Variants in YWHAG observed in about 807,000 individuals in gnomAD.
YWHAG encodes 14-3-3 protein gamma.
A neutral mutation model predicts 23.3 loss-of-function variants in YWHAG; 1 was observed. The observed-to-expected ratio is 0.04, with a 90% CI of 0.02 to 0.20. The LOEUF (loss-of-function observed/expected upper bound fraction) is 0.20. Among genes scored for constraint, YWHAG ranks in the 10% least tolerant of loss-of-function variants. The pLI is 1.00. For missense variants in YWHAG, 151 were observed against 338.6 expected (o/e 0.45, Z 4.35); for synonymous variants, 160 against 144.0 (o/e 1.11, Z -0.80).
At chr7:76,348,474 T>C (rs996907691) in intron 1 of YWHAG, among the ~76,000 whole-genome samples, 6 of 148,028 alleles carry the variant, frequency 4.1e-5, no homozygotes, top group African/African-American at 5.0e-5. Context: ...CAGGCTGGAG[T>C]GCAGTGCAAG....
Position 76,329,489 on chromosome 7 carries a change from T to TACCACCCCCCCC in YWHAG, c.*87_*88insGGGGGGGGTGGT. Reference sequence around the variant, plus strand: ...TCCCTGGGAAGGTCATCCCTCCCTTTCCCTCCCCCACCCGACCCCCAACTC... The same window carrying TACCACCCCCCCC: ...TCCCTGGGAAGGTCATCCCTCCCTTTACCACCCCCCCCCCCTCCCCCACCCGACCCCCAACTC... On this transcript the variant is annotated 3_prime_UTR_variant, in exon 2 of 2. Transcript: ENST00000307630. The surrounding 1 kb of genome is among the most constrained non-coding windows in gnomAD (Gnocchi z 6.1). 9.8e-7 allele frequency: 1 copy of TACCACCCCCCCC among 1,024,228 alleles called. No homozygotes were observed. The highest frequency in any genetic ancestry group is 1.4e-6 in the Non-Finnish European group (1 of 740,082). The allele number at this position is 1,024,228 out of a possible 1,614,324, so 63.4% of individuals were successfully genotyped here. A position where few individuals can be genotyped will look rare whatever the true frequency, so the allele number is the denominator to read the frequency against.
chr7:76,329,526 A>G lies in YWHAG; in HGVS notation c.*51T>C. ...CCGACCCCCAACTCATGGGAAAAAA[A>G]TAAAGACTGCAGTAGTAGCATCCGC... On this transcript the variant is annotated 3_prime_UTR_variant, in exon 2 of 2. Coordinates refer to ENST00000307630, the MANE Select transcript of YWHAG (RefSeq NM_012479.4). The surrounding 1 kb of genome is among the most constrained non-coding windows in gnomAD (Gnocchi z 6.1). 1 of 1,484,130 alleles carries G rather than the reference A, an allele frequency of 6.7e-7. No homozygotes were observed. Among genetic ancestry groups the G allele is most frequent in the South Asian group, 1.4e-5 (1 of 72,638 alleles). The allele number at this position is 1,484,130 out of a possible 1,614,324, so 91.9% of individuals were successfully genotyped here.
At chr7:76,351,698 C>T (rs1803874497) in intron 1 of YWHAG, among the ~76,000 whole-genome samples, 1 of 152,150 alleles carries the variant, frequency 6.6e-6, no homozygotes, top group Non-Finnish European at 1.5e-5. Context: ...AATCTAATGC[C>T]TGATGATCTG....
intron 1 of YWHAG, among the ~76,000 whole-genome samples, chr7:76,338,829 T>C (rs1803651832): frequency 6.6e-6 from 1 of 152,202 alleles, no homozygotes; most frequent in Non-Finnish European, 1.5e-5. Flanking sequence ...AACAGGCACG[T>C]ATCCACTGGT....
At chr7:76,358,087 G>A (rs1367116903) in intron 1 of YWHAG, among the ~76,000 whole-genome samples, 4 of 152,234 alleles carry the variant, frequency 2.6e-5, no homozygotes, top group African/African-American at 9.6e-5. Context: ...TGCTTTGGGC[G>A]AATGGAGAAA....
In YWHAG at chr7:76,349,256, G is replaced by A. The variant is rs538908950; in HGVS notation, c.87+9466C>T. Among the ~76,000 whole-genome samples the A allele has an allele frequency of 1.2e-4, 18 of 151,046 alleles. No homozygotes were observed. The South Asian group carries it at 1.7e-3, about 14-fold the overall frequency. Reference sequence around the variant, plus strand: ...ACTCGGGAGGCTGAGGCAGAATGGCGTGAATCTGGGAGGCAGAGCTTGCAG... The same window carrying A: ...ACTCGGGAGGCTGAGGCAGAATGGCATGAATCTGGGAGGCAGAGCTTGCAG... On this transcript the variant is annotated intron_variant, in intron 1 of 1. Transcript: ENST00000307630.
At chr7:76,352,123 G>A (rs923013318) in intron 1 of YWHAG, among the ~76,000 whole-genome samples, 5 of 152,198 alleles carry the variant, frequency 3.3e-5, no homozygotes, top group African/African-American at 1.2e-4. Context: ...TATAGAAACA[G>A]TCAAAAATTC....
chr7:76,358,614 G>A (rs564769266), intron 1 of YWHAG, 108 bp downstream of exon 1: 5 of 1,130,014 alleles, frequency 4.4e-6, no homozygotes, highest in Non-Finnish European at 6.2e-6. Flanking sequence ...GCGAGACGGG[G>A]CGGTCAACCC....
chr7:76,341,825 CT>C (rs1563665297), intron 1 of YWHAG, among the ~76,000 whole-genome samples: 1 of 152,138 alleles, frequency 6.6e-6, no homozygotes, highest in Non-Finnish European at 1.5e-5. Context: ...TTATGCAAGT[CT>C]GAACATACTG....
At chr7:76,348,753 T>G (rs905604719) in intron 1 of YWHAG, among the ~76,000 whole-genome samples, 1 of 151,892 alleles carries the variant, frequency 6.6e-6, no homozygotes, top group South Asian at 2.1e-4. Context: ...TTGGCCAGGC[T>G]GGTCTCAAAC....
At position 76,340,712 on chromosome 7, in the gene YWHAG, C is replaced by G. The variant is rs537870761; in HGVS notation, c.88-10479G>C. Among the ~76,000 whole-genome samples, 10 of 152,268 alleles carry G rather than the reference C, an allele frequency of 6.6e-5. No homozygotes were observed. In the East Asian group the frequency reaches 1.7e-3, roughly 26 times the overall value. On this transcript the variant is annotated intron_variant, in intron 1 of 1. Coordinates refer to ENST00000307630, the MANE Select transcript of YWHAG (RefSeq NM_012479.4). ...AAGGAGGGAGGCTTTTTATAATAAT[C>G]TCTCCTCAAGCAGCCCTACCCCTTG...
Position 76,327,668 on chromosome 7 carries a change from G to GCCCCCCCCCCCCCCCC in YWHAG, c.*1908_*1909insGGGGGGGGGGGGGGGG, listed in dbSNP as rs71085403. The GCCCCCCCCCCCCCCCC allele has an allele frequency of 1.3e-3, 60 of 47,108 alleles. No homozygotes were observed. Among genetic ancestry groups the GCCCCCCCCCCCCCCCC allele is most frequent in the Admixed American group, 2.4e-3 (10 of 4,196 alleles). The allele number at this position is 47,108 out of a possible 1,614,324, so 2.9% of individuals were successfully genotyped here. A position where few individuals can be genotyped will look rare whatever the true frequency, so the allele number is the denominator to read the frequency against. On this transcript the variant is annotated 3_prime_UTR_variant, in exon 2 of 2. Transcript: ENST00000307630. ...AATTAGGGAAAGCCCCACCTACCCT[G>GCCCCCCCCCCCCCCCC]CCCCCCCCCCCCTCCCCCCCCAAAT... is the stretch of plus-strand genomic sequence containing the variant.
At position 76,329,769 on chromosome 7, in the gene YWHAG, ATAG is replaced by A; in HGVS notation, c.549_551del (p.Tyr184del). 6.2e-7 allele frequency: 1 copy of A among 1,613,638 alleles called. No individual in the cohort carries two copies. The highest frequency in any genetic ancestry group is 8.5e-7 in the Non-Finnish European group (1 of 1,179,988). ...CTTGCTCTGGGGCGTTCTGGATCTC[ATAG>A]TAGAAGACGGAGTAGTTAAGAGCCA... is the stretch of plus-strand genomic sequence containing the variant. On this transcript the variant is annotated inframe_deletion, in exon 2 of 2. Transcript: ENST00000307630. This position sits in a 1 kb window ranked among gnomAD's most constrained non-coding sequence, Gnocchi z 6.1.
chr7:76,341,080 C>G (rs66814688), intron 1 of YWHAG, among the ~76,000 whole-genome samples: 18,721 of 152,044 alleles, frequency 0.12, 1,471 homozygotes, highest in Non-Finnish European at 0.17. Context: ...GGGAAGCCAC[C>G]GCACCTGGCC....
intron 1 of YWHAG, among the ~76,000 whole-genome samples, chr7:76,347,987 G>C (rs1228701765): frequency 6.6e-6 from 1 of 152,192 alleles, no homozygotes; most frequent in Non-Finnish European, 1.5e-5. Context: ...AAAGAAACCG[G>C]GTTACACTTG....
intron 1 of YWHAG, among the ~76,000 whole-genome samples, chr7:76,331,968 T>C (rs1803548792): frequency 6.6e-6 from 1 of 152,224 alleles, no homozygotes; most frequent in African/African-American, 2.4e-5. Flanking sequence ...TCATGCTTAT[T>C]AGTTTATGGC....
chr7:76,330,403 G>A (rs1296296899), intron 1 of YWHAG, among the ~76,000 whole-genome samples, 170 bp from the exon 2 acceptor site: 1 of 152,156 alleles, frequency 6.6e-6, no homozygotes, highest in Non-Finnish European at 1.5e-5. Context: ...ACAAGGGAGG[G>A]AAAAGTGCGG....
At chr7:76,334,875 C>G (rs1236820112) in intron 1 of YWHAG, among the ~76,000 whole-genome samples, 2 of 151,986 alleles carry the variant, frequency 1.3e-5, no homozygotes, top group Non-Finnish European at 2.9e-5. Flanking sequence ...CCCATCACAC[C>G]CTGGTTAATA....
At position 76,338,639 on chromosome 7, in the gene YWHAG, T is replaced by A. The variant is rs567837580; in HGVS notation, c.88-8406A>T. On this transcript the variant is annotated intron_variant, in intron 1 of 1. Transcript: ENST00000307630. ...AGAACCAGCTAATTTCTCTAATACATGAAAACCTCCAGAGAATTTCTAAGA... is the reference window on the plus strand; with the variant it reads ...AGAACCAGCTAATTTCTCTAATACAAGAAAACCTCCAGAGAATTTCTAAGA... Among the ~76,000 whole-genome samples the A allele has an allele frequency of 5.1e-4, 78 of 151,704 alleles. 1 individual carries two copies. In the South Asian group the frequency reaches 0.016, roughly 31 times the overall value.
Sources: allele counts gnomAD v4.1 joint callset (sites outside exome capture counted in the v4.1 genomes callset), GRCh38; gene constraint gnomAD v4.1.1; non-coding constraint Gnocchi (gnomAD v3.1); transcripts MANE v1.5; gene names NCBI Gene and HGNC (gene_info 2026-07-23, HGNC 2026-07-21).